Variants in AOAH observed in about 807,000 individuals in gnomAD.
AOAH encodes acyloxyacyl hydrolase.
In AOAH, 64 loss-of-function variants were observed where a neutral mutation model predicts 92.2. That is an observed-to-expected ratio of 0.69 (90% confidence interval 0.57 to 0.86). The LOEUF (loss-of-function observed/expected upper bound fraction) is 0.86. Ranked by LOEUF, AOAH falls within the 40% of genes least tolerant of loss-of-function variation. The probability of loss-of-function intolerance (pLI) is 0.00; values close to 1 mark genes in which losing one functional copy is unlikely to be tolerated. For missense variants in AOAH, 656 were observed against 694.6 expected (o/e 0.94, Z 0.62); for synonymous variants, 263 against 254.5 (o/e 1.03, Z -0.32).
At chr7:36,567,827 A>C (rs1055509098) in intron 13 of AOAH, among the ~76,000 whole-genome samples, 1 of 152,160 alleles carries the variant, frequency 6.6e-6, no homozygotes, top group Non-Finnish European at 1.5e-5. Flanking sequence ...AGCAGGATGG[A>C]CTGCTCCCTC....
intron 1 of AOAH, among the ~76,000 whole-genome samples, chr7:36,720,799 C>CAGGG (rs1554328846): frequency 6.6e-6 from 1 of 152,050 alleles, no homozygotes; most frequent in East Asian, 1.9e-4. Flanking sequence ...TGTATCCCTG[C>CAGGG]TCTCGCATAT....
intron 1 of AOAH, among the ~76,000 whole-genome samples, chr7:36,719,905 T>C (rs2117036412): frequency 6.6e-6 from 1 of 151,356 alleles, no homozygotes. Flanking sequence ...CACTGCACTG[T>C]AGCCTGGGTG....
chr7:36,548,620 G>C lies in AOAH; in HGVS notation c.1125C>G (p.Val375=). The change falls in exon 15 of 21, where the codon GTC becomes GTG. Residue 375 remains valine (V), a synonymous_variant. Transcript: ENST00000617537. ...IVIYAMIGND[V]CSGKSDPVPA... ...TTTTCTCAATAACTCACCCACTGCA[G>C]ACATCATTTCCAATCATGGCATATA... The C allele has an allele frequency of 1.9e-6, 3 of 1,613,554 alleles. No homozygotes were observed. Among genetic ancestry groups the C allele is most frequent in the Non-Finnish European group, 2.5e-6 (3 of 1,179,582 alleles).
intron 1 of AOAH, among the ~76,000 whole-genome samples, chr7:36,701,731 G>A (rs908092228): frequency 1.3e-5 from 2 of 151,680 alleles, no homozygotes; most frequent in Non-Finnish European, 2.9e-5. Flanking sequence ...CTTAGATGTT[G>A]CCTTTTAAAA....
intron 1 of AOAH, among the ~76,000 whole-genome samples, chr7:36,722,918 T>C (rs977520134): frequency 1.9e-5 from 2 of 107,566 alleles, no homozygotes; most frequent in Admixed American, 2.9e-4. Context: ...CAGGTGACAG[T>C]GCGATAATCC....
chr7:36,700,782 C>T (rs1012354315), intron 1 of AOAH, among the ~76,000 whole-genome samples: 2 of 152,022 alleles, frequency 1.3e-5, no homozygotes, highest in South Asian at 2.1e-4. Context: ...AGAGGTTGTA[C>T]TAATTTGCAT....
intron 3 of AOAH, among the ~76,000 whole-genome samples, chr7:36,669,569 G>T (rs1027020705): frequency 2.4e-4 from 37 of 151,986 alleles, no homozygotes; most frequent in Admixed American, 2.2e-3. Context: ...TTTTAGTAAA[G>T]ATGGGGTTTC....
At chr7:36,617,671 A>T (rs564146784) in intron 10 of AOAH, among the ~76,000 whole-genome samples, 46 of 152,270 alleles carry the variant, frequency 3.0e-4, no homozygotes, top group Non-Finnish European at 5.9e-5. Context: ...TGATGTTACC[A>T]TCAAGTGTTG....
At chr7:36,674,202 G>A (rs1027094104) in intron 2 of AOAH, among the ~76,000 whole-genome samples, 193 bp from the exon 3 acceptor site, 13 of 152,176 alleles carry the variant, frequency 8.5e-5, no homozygotes, top group African/African-American at 3.1e-4. Flanking sequence ...TTATGTGAAT[G>A]CCACCTAACC....
chr7:36,711,983 A>G (rs1798798881), intron 1 of AOAH, among the ~76,000 whole-genome samples: 1 of 152,210 alleles, frequency 6.6e-6, no homozygotes, highest in Non-Finnish European at 1.5e-5. Flanking sequence ...GCTAGTTACC[A>G]AAGGAGACTC....
chr7:36,652,841 G>A (rs553389178), intron 4 of AOAH, among the ~76,000 whole-genome samples: 143 of 152,306 alleles, frequency 9.4e-4, no homozygotes, highest in African/African-American at 3.2e-3. Context: ...CAGACCAGAG[G>A]ACACTAAAGA....
rs767558385 is a variant in AOAH at position 36,621,762 on chromosome 7, A to T, written c.601T>A (p.Trp201Arg). 6.8e-6 allele frequency: 11 copies of T among 1,614,144 alleles called. No homozygotes were observed. The highest frequency in any genetic ancestry group is 1.7e-6 in the Non-Finnish European group (2 of 1,180,018). Reference protein sequence around the residue: ...SVFPTLRGYHWRGRDCNDSDE... With the variant: ...SVFPTLRGYHRRGRDCNDSDE... ...CTGTCATTACAGTCTCTCCCCCGCCAGTGATAGCCCCGCAGTGTCTGAAAT... is the reference window on the plus strand; with the variant it reads ...CTGTCATTACAGTCTCTCCCCCGCCTGTGATAGCCCCGCAGTGTCTGAAAT... The change falls in exon 8 of 21, where the codon TGG becomes AGG. Residue 201 changes from tryptophan (W) to arginine (R), a missense_variant. Trp to Arg is a moderately radical substitution (Grantham distance 101, BLOSUM62 -3). Transcript: ENST00000617537.
chr7:36,662,697 T>C (rs1422664733), intron 3 of AOAH, among the ~76,000 whole-genome samples: 5 of 152,186 alleles, frequency 3.3e-5, no homozygotes, highest in Admixed American at 6.5e-5. Context: ...TCATGTGATA[T>C]ACAAGACCCA....
intron 1 of AOAH, among the ~76,000 whole-genome samples, chr7:36,696,752 C>A (rs759632482): frequency 6.6e-6 from 1 of 151,586 alleles, no homozygotes; most frequent in East Asian, 1.9e-4. Context: ...CCCAGCTACT[C>A]GGGAGGCTGA....
intron 1 of AOAH, among the ~76,000 whole-genome samples, chr7:36,698,958 C>T (rs768597416): frequency 6.6e-6 from 1 of 151,872 alleles, no homozygotes; most frequent in Non-Finnish European, 1.5e-5. Flanking sequence ...CCTCATTCTC[C>T]CCTCCCCCTA....
chr7:36,695,462 A>G (rs6462699), intron 1 of AOAH, among the ~76,000 whole-genome samples: 85,799 of 151,922 alleles, frequency 0.56, 24,574 homozygotes, highest in East Asian at 0.83. Flanking sequence ...TACAAATTCT[A>G]TCTCATTTAA....
intron 3 of AOAH, among the ~76,000 whole-genome samples, chr7:36,661,698 A>G (rs1320367166): frequency 6.6e-6 from 1 of 152,164 alleles, no homozygotes; most frequent in African/African-American, 2.4e-5. Context: ...CAGCTCACAC[A>G]TGGGCCAACC....
intron 6 of AOAH, among the ~76,000 whole-genome samples, chr7:36,627,649 G>C (rs1278280381): frequency 2.6e-5 from 4 of 152,000 alleles, no homozygotes; most frequent in African/African-American, 9.7e-5. Flanking sequence ...TCAGGTGTCT[G>C]CTCTCATCAT....
At chr7:36,557,363 C>G (rs1239735142) in intron 13 of AOAH, among the ~76,000 whole-genome samples, 1 of 152,248 alleles carries the variant, frequency 6.6e-6, no homozygotes, top group South Asian at 2.1e-4. Context: ...AGCTGTTAGT[C>G]TGATGTGCTT....
Sources: allele counts gnomAD v4.1 joint callset (sites outside exome capture counted in the v4.1 genomes callset), GRCh38; gene constraint gnomAD v4.1.1; transcripts MANE v1.5; gene names NCBI Gene and HGNC (gene_info 2026-07-23, HGNC 2026-07-21).